The following MACF1 variants were observed in gnomAD, a reference collection of about 807,000 sequenced individuals.
MACF1 encodes the protein microtubule actin crosslinking factor 1, also known as microtubule-actin cross-linking factor 1.
In MACF1, 193 loss-of-function variants were observed where a neutral mutation model predicts 854.8. The observed-to-expected ratio is 0.23, with a 90% CI of 0.20 to 0.25. MACF1 has a LOEUF of 0.25. Ranked by LOEUF, MACF1 falls within the 10% of genes least tolerant of loss-of-function variation. The probability of loss-of-function intolerance (pLI) is 1.00; values close to 1 mark genes in which losing one functional copy is unlikely to be tolerated. For synonymous variants in MACF1, 3,185 were observed against 3,226.7 expected, an observed-to-expected ratio of 0.99 and a Z score of 0.44; for missense variants, 7,722 against 8,929.1, an observed-to-expected ratio of 0.86 and a Z score of 5.45.
At chr1:39,317,576 C>T (rs1016144116) in intron 29 of MACF1, among the ~76,000 whole-genome samples, 169 bp downstream of exon 29, 9 of 152,050 alleles carry the variant, frequency 5.9e-5, no homozygotes, top group South Asian at 2.1e-4. Context: ...AAGGTGAGAC[C>T]GGCAATCTCA....
chr1:39,299,109 T>C, intron 21 of MACF1: 2 of 403,940 alleles, frequency 5.0e-6, no homozygotes, highest in South Asian at 1.9e-5. Context: ...TAGACAGAAA[T>C]TGACATCTTA....
chr1:39,107,428 TGAG>T (rs1642273455), intron 2 of MACF1, among the ~76,000 whole-genome samples: 1 of 152,020 alleles, frequency 6.6e-6, no homozygotes, highest in African/African-American at 2.4e-5. Context: ...GTCTCTTTCT[TGAG>T]GGGAGGAATG....
chr1:39,171,262 T>C (rs1643945391), intron 2 of MACF1, among the ~76,000 whole-genome samples: 1 of 151,902 alleles, frequency 6.6e-6, no homozygotes, highest in South Asian at 2.1e-4. Flanking sequence ...GATCCAGTTT[T>C]ATTGTGGTAA....
chr1:39,387,093 C>T (rs532900569), intron 57 of MACF1, 94 bp from the exon 58 acceptor site: 79 of 1,385,880 alleles, frequency 5.7e-5, no homozygotes, highest in Middle Eastern at 5.3e-4. Context: ...AACATTAGTT[C>T]CCTTCCCCCA....
At chr1:39,191,006 CA>C (rs901563193) in intron 2 of MACF1, among the ~76,000 whole-genome samples, 3 of 151,686 alleles carry the variant, frequency 2.0e-5, no homozygotes, top group Non-Finnish European at 4.4e-5. Context: ...AACAAACAAA[CA>C]AAAAAACCCC....
intron 1 of MACF1, among the ~76,000 whole-genome samples, chr1:39,222,317 G>C (rs1644663398): frequency 6.6e-6 from 1 of 152,074 alleles, no homozygotes; most frequent in Non-Finnish European, 1.5e-5. Context: ...TAGAGACAGA[G>C]TTTTGTCATA....
At chr1:39,412,045 T>C in intron 58 of MACF1, 1 of 1,613,956 alleles carries the variant, frequency 6.2e-7, no homozygotes, top group Non-Finnish European at 8.5e-7. Context: ...TGATCTGGAT[T>C]CACTGGAAAA....
chr1:39,194,417 G>A (rs1252952830), intron 2 of MACF1, among the ~76,000 whole-genome samples: 3 of 139,066 alleles, frequency 2.2e-5, no homozygotes, highest in Non-Finnish European at 4.5e-5. Context: ...GCAGTGGCGC[G>A]ATCTCAGCTC....
rs1171398773 is a variant in MACF1, at chr1:39,335,976, T to C, written c.9388T>C (p.Ser3130Pro). Residue 3130 changes from serine to proline, a missense_variant, in exon 37 of 101, where the codon TCC becomes CCC. Physicochemically the swap from Ser to Pro is moderately conservative, Grantham distance 74. This residue lies in a region of MACF1 where 854 missense variants were observed against 852.6 expected (regional missense o/e 1.00). Transcript: ENST00000564288. ...KAQVTGPSQI[S>P]KTDKSFQGTT... ...CCAAGTGACAGGCCCATCCCAAATT[T>C]CCAAAACAGACAAGTCTTTCCAAGG... is the stretch of plus-strand genomic sequence containing the variant. 2 of 1,613,868 alleles carry C rather than the reference T, an allele frequency of 1.2e-6. No individual in the cohort carries two copies. The highest frequency in any genetic ancestry group is 2.2e-5 in the East Asian group (1 of 44,890).
At chr1:39,197,092 C>T (rs1357379114) in intron 2 of MACF1, among the ~76,000 whole-genome samples, 1 of 152,066 alleles carries the variant, frequency 6.6e-6, no homozygotes, top group Non-Finnish European at 1.5e-5. Context: ...CTAGTCACTC[C>T]CTCCTGCCAG....
intron 2 of MACF1, among the ~76,000 whole-genome samples, chr1:39,242,361 A>T (rs1257575953): frequency 1.3e-5 from 2 of 151,938 alleles, no homozygotes; most frequent in African/African-American, 4.8e-5. Context: ...AAAAAAAAAA[A>T]AAAGCAGACA....
At chr1:39,406,107 T>C (rs1642688902) in intron 58 of MACF1, among the ~76,000 whole-genome samples, 1 of 152,228 alleles carries the variant, frequency 6.6e-6, no homozygotes, top group South Asian at 2.1e-4. Flanking sequence ...ACTCAGAAAG[T>C]ATTCTTTGGC....
At chr1:39,098,486 C>T (rs551761477) in intron 2 of MACF1, among the ~76,000 whole-genome samples, 1 of 152,370 alleles carries the variant, frequency 6.6e-6, no homozygotes, top group Non-Finnish European at 1.5e-5. Context: ...TCAAGGTTCA[C>T]GGAGTGCCTT....
At position 39,333,983 on chromosome 1, in the gene MACF1, A is replaced by T; in HGVS notation, c.7395A>T (p.Glu2465Asp). 2 of 1,614,220 alleles carry T rather than the reference A, an allele frequency of 1.2e-6. No individual in the cohort carries two copies. Among genetic ancestry groups the T allele is most frequent in the Non-Finnish European group, 1.7e-6 (2 of 1,180,042 alleles). Residue 2465 changes from glutamate (E) to aspartate (D), a missense_variant, in exon 37 of 101, where the codon GAA becomes GAT. By Grantham distance (45) the Glu-to-Asp change is conservative. Around this residue, in one of 15 missense-constraint regions of MACF1, gnomAD observed 1,531 missense variants for 1,601.6 expected, o/e 0.96. Coordinates refer to ENST00000564288, the MANE Select transcript of MACF1 (RefSeq NM_001394062.1). ...VRERLISLQM[E>D]TTGLIDPDSK... ...AGAGATTAATTAGTTTACAAATGGA[A>T]ACAACAGGACTTATAGACCCTGATA...
intron 3 of MACF1, among the ~76,000 whole-genome samples, chr1:39,251,262 AT>A (rs1645037602): frequency 6.6e-6 from 1 of 152,164 alleles, no homozygotes; most frequent in Non-Finnish European, 1.5e-5. Flanking sequence ...GGCACATTTA[AT>A]TTCTAGTTCT....
In MACF1 at chr1:39,336,193, T is replaced by C; in HGVS notation, c.9605T>C (p.Leu3202Pro). The change falls in exon 37 of 101, where the codon CTA becomes CCA. Residue 3202 changes from leucine (L) to proline (P), a missense_variant. Physicochemically the swap from Leu to Pro is moderately conservative, Grantham distance 98. Coordinates refer to ENST00000564288, the MANE Select transcript of MACF1 (RefSeq NM_001394062.1). Reference protein sequence around the residue: ...SRPDSKEVRYLEFSDRKDLHH... With the variant: ...SRPDSKEVRYPEFSDRKDLHH... ...CCAGATTCAAAAGAAGTCAGGTATC[T>C]AGAATTCTCAGACAGAAAAGACCTT... The C allele has an allele frequency of 6.2e-7, 1 of 1,614,150 alleles. No homozygotes were observed.
intron 2 of MACF1, among the ~76,000 whole-genome samples, chr1:39,160,050 C>T (rs970105638): frequency 2.0e-5 from 3 of 152,070 alleles, no homozygotes; most frequent in South Asian, 2.1e-4. Context: ...CATGGTGGCT[C>T]GCACTCGTAA....
At chr1:39,262,915 A>G (rs74066723) in intron 6 of MACF1, among the ~76,000 whole-genome samples, 5,951 of 152,132 alleles carry the variant, frequency 0.039, 349 homozygotes, top group African/African-American at 0.12. Flanking sequence ...TGTGTGGGGA[A>G]AGGTTCTCTG....
intron 58 of MACF1, chr1:39,414,289 G>A: frequency 6.2e-7 from 1 of 1,614,058 alleles, no homozygotes; most frequent in Non-Finnish European, 8.5e-7. Flanking sequence ...CTTCCTGGGA[G>A]TTTCTGCCCA....
Sources: gnomAD v4.1 joint callset for allele counts (sites outside exome capture counted in the v4.1 genomes callset) on GRCh38, gnomAD v4.1.1 for gene constraint, gnomAD v4.1.1 regional missense constraint, MANE v1.5 for transcripts, NCBI Gene and HGNC (gene_info 2026-07-23, HGNC 2026-07-21) for gene names.